SNRNP48: variants seen among roughly 807,000 people sequenced by gnomAD.
The protein encoded by SNRNP48 is U11/U12 small nuclear ribonucleoprotein 48 kDa protein.
In SNRNP48, 43 loss-of-function variants were observed where a neutral mutation model predicts 47.0. That is an observed-to-expected ratio of 0.92 (90% CI 0.72 to 1.18). SNRNP48 has a LOEUF of 1.18. Ranked by LOEUF, SNRNP48 falls within the 50% of genes most tolerant of loss-of-function variation. The pLI is 0.00. For missense variants in SNRNP48, 396 were observed against 422.2 expected (o/e 0.94, Z 0.54); for synonymous variants, 138 against 144.0 (o/e 0.96, Z 0.30).
At chr6:7,606,499 G>A (rs891578109) in intron 8 of SNRNP48, among the ~76,000 whole-genome samples, 1 of 152,138 alleles carries the variant, frequency 6.6e-6, no homozygotes, top group African/African-American at 2.4e-5. Flanking sequence ...GTTAAACACG[G>A]TTTTCCCAGA....
At chr6:7,600,407 T>C (rs1378725673) in intron 4 of SNRNP48, 1 of 159,896 alleles carries the variant, frequency 6.3e-6, no homozygotes, top group Non-Finnish European at 1.3e-5. Context: ...GTTACTACTT[T>C]AGAATAAGTT....
chr6:7,594,947 T>G, intron 3 of SNRNP48, 80 bp from the exon 4 acceptor site: 1 of 1,245,606 alleles, frequency 8.0e-7, no homozygotes. Flanking sequence ...CCAAAGGGCT[T>G]GGATCAGAAA....
rs933877999 is a variant in SNRNP48 at position 7,593,738 on chromosome 6, A to G, written c.161A>G (p.Glu54Gly). 1.9e-6 allele frequency: 3 copies of G among 1,559,436 alleles called. No individual in the cohort carries two copies. The highest frequency in any genetic ancestry group is 2.3e-5 in the East Asian group (1 of 44,136). Residue 54 changes from glutamate (E) to glycine (G), a missense_variant, in exon 2 of 9, where the codon GAA (glutamate) becomes GGA (glycine). Glu to Gly is a moderately conservative substitution (Grantham distance 98). Transcript: ENST00000342415. ...GTTTCTGTTTGATTTTTATAGGATG[A>G]AGTTGTGATATGTCCATACGATTCC... ...DPGEEEAAEDEVVICPYDSNH... is the reference protein window; with the variant it reads ...DPGEEEAAEDGVVICPYDSNH...
In SNRNP48 at chr6:7,592,371, GA is replaced by G. The variant is rs1438529086; in HGVS notation, c.157-1362del. Among the ~76,000 whole-genome samples, 37 of 149,576 alleles carry G rather than the reference GA, an allele frequency of 2.5e-4. No homozygotes were observed. In the East Asian group the frequency reaches 6.3e-3, roughly 25 times the overall value. On this transcript the variant is annotated intron_variant, in intron 1 of 8. Coordinates refer to ENST00000342415, the MANE Select transcript of SNRNP48 (RefSeq NM_152551.4). ...CTTGTCAGCCATATTAGAAAGTCTA[GA>G]TTTTTTTTTTTTTTTTTAATGAAGG... is the stretch of plus-strand genomic sequence containing the variant.
At chr6:7,605,880 C>A in intron 7 of SNRNP48, 151 bp from the exon 8 acceptor site, 1 of 889,872 alleles carries the variant, frequency 1.1e-6, no homozygotes, top group Non-Finnish European at 1.7e-6. Flanking sequence ...GTTTATTTGT[C>A]CTTTTATATG....
chr6:7,606,385 G>T (rs1240961097), intron 8 of SNRNP48, among the ~76,000 whole-genome samples, 190 bp downstream of exon 8: 1 of 152,206 alleles, frequency 6.6e-6, no homozygotes, highest in Non-Finnish European at 1.5e-5. Context: ...TAGTGACATA[G>T]ATCTCTACAT....
chr6:7,590,975 C>T (rs1296252205), intron 1 of SNRNP48, among the ~76,000 whole-genome samples: 2 of 152,166 alleles, frequency 1.3e-5, no homozygotes, highest in African/African-American at 2.4e-5. Flanking sequence ...AAGACCCTGT[C>T]TCAAAAAACA....
intron 1 of SNRNP48, 151 bp downstream of exon 1, chr6:7,590,564 C>A: frequency 1.1e-6 from 1 of 944,226 alleles, no homozygotes; most frequent in Non-Finnish European, 1.4e-6. Flanking sequence ...ACCCGAGGGG[C>A]GCCGGGGGCC....
At chr6:7,593,999 T>C (rs1759861956) in intron 2 of SNRNP48, 100 bp from the exon 3 acceptor site, 1 of 985,732 alleles carries the variant, frequency 1.0e-6, no homozygotes, top group East Asian at 2.7e-5. Flanking sequence ...GCACAAATTA[T>C]TGTGAGAAAT....
At position 7,609,035 on chromosome 6, in the gene SNRNP48, T is replaced by C. The variant is rs553886798; in HGVS notation, c.*162T>C. On this transcript the variant is annotated 3_prime_UTR_variant, in exon 9 of 9. Coordinates refer to ENST00000342415, the MANE Select transcript of SNRNP48 (RefSeq NM_152551.4). ...AGTGCTTATTATTTTCCAGTAAATA[T>C]GCTTCAAACCATGAGTACACTATTA... 5.5e-6 allele frequency: 2 copies of C among 366,224 alleles called. No homozygotes were observed. Among genetic ancestry groups the C allele is most frequent in the East Asian group, 8.0e-5 (2 of 25,040 alleles). 22.7% of individuals were successfully genotyped at this position (366,224 alleles called of 1,614,324 possible).
Position 7,602,653 on chromosome 6 carries a change from T to C in SNRNP48, c.626T>C (p.Leu209Pro), listed in dbSNP as rs1214922656. The part of the protein sequence containing the change: ...DNSRKSPKSY[L>P]EILAEVRDYK... ...AGTCGAAAAAGTCCAAAATCCTACC[T>C]TGAAATCCTGGCAGAAGTACGAGAT... Residue 209 changes from leucine to proline, a missense_variant, in exon 6 of 9, where the codon CTT (leucine) becomes CCT (proline). Leu to Pro is a moderately conservative substitution (Grantham distance 98, BLOSUM62 -3). Coordinates refer to ENST00000342415, the MANE Select transcript of SNRNP48 (RefSeq NM_152551.4). 1 of 1,604,884 alleles carries C rather than the reference T, an allele frequency of 6.2e-7. No individual in the cohort carries two copies. The highest frequency in any genetic ancestry group is 8.5e-7 in the Non-Finnish European group (1 of 1,176,670).
At chr6:7,602,866 A>G in intron 6 of SNRNP48, 122 bp downstream of exon 6, 2 of 791,944 alleles carry the variant, frequency 2.5e-6, no homozygotes, top group Non-Finnish European at 1.9e-6. Context: ...GCCACACCTG[A>G]TTTGTATCTG....
At chr6:7,592,276 A>G (rs1411172371) in intron 1 of SNRNP48, among the ~76,000 whole-genome samples, 1 of 152,066 alleles carries the variant, frequency 6.6e-6, no homozygotes, top group Admixed American at 6.5e-5. Flanking sequence ...GTAGTTAAGG[A>G]TAGCTAGAGC....
intron 4 of SNRNP48, among the ~76,000 whole-genome samples, chr6:7,595,403 A>C (rs750823513): frequency 7.2e-5 from 11 of 152,226 alleles, no homozygotes; most frequent in Non-Finnish European, 1.6e-4. Context: ...TTTAGTAAAT[A>C]CAGATGGTCC....
intron 4 of SNRNP48, among the ~76,000 whole-genome samples, 189 bp downstream of exon 4, chr6:7,595,290 C>T (rs1209800607): frequency 6.6e-6 from 1 of 152,108 alleles, no homozygotes; most frequent in African/African-American, 2.4e-5. Context: ...TTGAGATACA[C>T]CAGAGTCTCA....
chr6:7,606,751 C>G (rs765910128), intron 8 of SNRNP48, among the ~76,000 whole-genome samples: 2 of 152,172 alleles, frequency 1.3e-5, no homozygotes, highest in South Asian at 4.1e-4. Flanking sequence ...GTACCTGGAT[C>G]TCAAGTTCAT....
At chr6:7,608,664 T>C (rs1163608323) in intron 8 of SNRNP48, among the ~76,000 whole-genome samples, 161 bp from the exon 9 acceptor site, 1 of 152,156 alleles carries the variant, frequency 6.6e-6, no homozygotes, top group Admixed American at 6.5e-5. Context: ...TAAAATTAAC[T>C]TTGAGTATAT....
intron 4 of SNRNP48, 148 bp from the exon 5 acceptor site, chr6:7,601,188 T>TA: frequency 1.8e-6 from 1 of 560,634 alleles, no homozygotes; most frequent in South Asian, 2.8e-5. Context: ...ATTTATTGCT[T>TA]AGATTGATAT....
At chr6:7,597,565 T>C (rs562262839) in intron 4 of SNRNP48, among the ~76,000 whole-genome samples, 7 of 152,192 alleles carry the variant, frequency 4.6e-5, no homozygotes, top group Admixed American at 1.3e-4. Context: ...TAAACAAGCC[T>C]TAGCTCCAAA....
Sources: gnomAD v4.1 joint callset for allele counts (sites outside exome capture counted in the v4.1 genomes callset) on GRCh38, gnomAD v4.1.1 for gene constraint, MANE v1.5 for transcripts, NCBI Gene and HGNC (gene_info 2026-07-23, HGNC 2026-07-21) for gene names.